The following LDLRAD3 variants were observed in gnomAD, a reference collection of about 807,000 sequenced individuals.
The protein encoded by LDLRAD3 is low-density lipoprotein receptor class A domain-containing protein 3.
A neutral mutation model predicts 29.4 loss-of-function variants in LDLRAD3; 20 were observed. The ratio of observed to expected loss-of-function variants is 0.68; its 90% CI spans 0.48 to 0.99. LDLRAD3 has a LOEUF of 0.99. LDLRAD3 is among the 50% of genes least tolerant of loss of function. The probability of loss-of-function intolerance (pLI) is 0.00; values close to 1 mark genes in which losing one functional copy is unlikely to be tolerated. For synonymous variants in LDLRAD3, 157 were observed against 192.7 expected, an observed-to-expected ratio of 0.81 and a Z score of 1.53; for missense variants, 420 against 454.3, an observed-to-expected ratio of 0.92 and a Z score of 0.69.
intron 1 of LDLRAD3, among the ~76,000 whole-genome samples, chr11:35,956,529 G>T (rs1851202875): frequency 1.3e-5 from 2 of 152,124 alleles, no homozygotes; most frequent in Non-Finnish European, 2.9e-5. Context: ...AGTTTGAGAG[G>T]CATTGATGTG....
intron 5 of LDLRAD3, among the ~76,000 whole-genome samples, chr11:36,228,654 T>C (rs1440458668): frequency 6.6e-6 from 1 of 152,224 alleles, no homozygotes; most frequent in East Asian, 1.9e-4. Flanking sequence ...AAATAAAATG[T>C]CTTTTCTGTT....
intron 2 of LDLRAD3, among the ~76,000 whole-genome samples, chr11:36,049,707 A>G (rs1265937755): frequency 1.3e-5 from 2 of 151,588 alleles, no homozygotes; most frequent in African/African-American, 4.9e-5. Flanking sequence ...GGTAGGTTAC[A>G]TTGCAAGTAT....
intron 4 of LDLRAD3, among the ~76,000 whole-genome samples, chr11:36,112,031 C>G (rs1853613529): frequency 6.6e-6 from 1 of 152,240 alleles, no homozygotes; most frequent in Non-Finnish European, 1.5e-5. Flanking sequence ...ATCAGTAGGT[C>G]AGCTGTTATT....
rs528731129 is a variant in LDLRAD3, at chr11:36,031,699, C to T, written c.47-4404C>T. Among the ~76,000 whole-genome samples, 6 of 152,236 alleles carry T rather than the reference C, an allele frequency of 3.9e-5. No homozygotes were observed. The South Asian group carries it at 1.2e-3, about 32-fold the overall frequency. ...TTAAAGGAAAACAGGACACTACCAGCGTGAAAAACGGGGACCAGCTTTAGA... is the reference window on the plus strand; with the variant it reads ...TTAAAGGAAAACAGGACACTACCAGTGTGAAAAACGGGGACCAGCTTTAGA... On this transcript the variant is annotated intron_variant, in intron 1 of 5. Transcript: ENST00000315571.
intron 1 of LDLRAD3, among the ~76,000 whole-genome samples, chr11:36,008,737 G>C (rs910187365): frequency 2.8e-4 from 43 of 152,134 alleles, no homozygotes; most frequent in African/African-American, 1.0e-3. Context: ...TCTTTGTTTT[G>C]TCTTCTTAAG....
intron 1 of LDLRAD3, among the ~76,000 whole-genome samples, chr11:36,012,444 G>C (rs1230199300): frequency 6.6e-6 from 1 of 151,956 alleles, no homozygotes; most frequent in Non-Finnish European, 1.5e-5. Flanking sequence ...TCACTTAAAG[G>C]AAGCACTTTA....
At chr11:36,204,039 C>T (rs760039741) in intron 4 of LDLRAD3, among the ~76,000 whole-genome samples, 7 of 151,588 alleles carry the variant, frequency 4.6e-5, no homozygotes, top group African/African-American at 1.5e-4. Context: ...CCATCACAGA[C>T]GTACATACCA....
chr11:36,076,435 G>GGA (rs1307459977), intron 2 of LDLRAD3, among the ~76,000 whole-genome samples: 12 of 151,406 alleles, frequency 7.9e-5, no homozygotes, highest in Admixed American at 7.9e-4. Context: ...CGCCCAGGCT[G>GGA]GAGTGCAGTG....
chr11:36,130,322 G>T (rs939144365), intron 4 of LDLRAD3, among the ~76,000 whole-genome samples: 8 of 152,178 alleles, frequency 5.3e-5, no homozygotes, highest in Non-Finnish European at 1.2e-4. Flanking sequence ...AGAGAATGGG[G>T]CTGACGGGAT....
chr11:36,090,845 G>T (rs76084037), intron 3 of LDLRAD3, among the ~76,000 whole-genome samples: 263 of 152,302 alleles, frequency 1.7e-3, no homozygotes, highest in Non-Finnish European at 3.1e-3. Flanking sequence ...AGGGGGAAAG[G>T]CTGCTGAGGC....
chr11:36,006,135 A>G (rs1851882269), intron 1 of LDLRAD3, among the ~76,000 whole-genome samples: 1 of 152,174 alleles, frequency 6.6e-6, no homozygotes, highest in Non-Finnish European at 1.5e-5. Context: ...AGAGACCTCA[A>G]TGGTGGGTAG....
intron 4 of LDLRAD3, among the ~76,000 whole-genome samples, chr11:36,107,344 C>T (rs564744937): frequency 3.2e-4 from 48 of 152,040 alleles, no homozygotes; most frequent in African/African-American, 1.0e-3. Context: ...GAGAGGCGCC[C>T]GCTACTATGT....
At chr11:36,115,014 C>T (rs77513302) in intron 4 of LDLRAD3, among the ~76,000 whole-genome samples, 3,555 of 152,248 alleles carry the variant, frequency 0.023, 135 homozygotes, top group African/African-American at 0.08. Flanking sequence ...ATATAAAAGG[C>T]GACATGGCCT....
chr11:36,067,602 T>C (rs1852816849), intron 2 of LDLRAD3, among the ~76,000 whole-genome samples: 1 of 152,084 alleles, frequency 6.6e-6, no homozygotes, highest in South Asian at 2.1e-4. Flanking sequence ...TTACCATAAA[T>C]CATATGGCCA....
chr11:36,202,206 T>A (rs749895691), intron 4 of LDLRAD3, among the ~76,000 whole-genome samples: 1 of 152,026 alleles, frequency 6.6e-6, no homozygotes, highest in Non-Finnish European at 1.5e-5. Flanking sequence ...CACGCCCAGC[T>A]AATTTTTGTA....
intron 4 of LDLRAD3, among the ~76,000 whole-genome samples, chr11:36,107,926 A>G (rs1287937936): frequency 1.3e-5 from 2 of 152,232 alleles, no homozygotes; most frequent in Non-Finnish European, 2.9e-5. Context: ...AAATCTTAAA[A>G]TGCCATCTAT....
At chr11:35,953,062 C>T (rs1245844262) in intron 1 of LDLRAD3, among the ~76,000 whole-genome samples, 1 of 152,050 alleles carries the variant, frequency 6.6e-6, no homozygotes, top group African/African-American at 2.4e-5. Context: ...CAGAGTGAAC[C>T]CCAGGATTTT....
At chr11:35,993,909 A>G (rs1005636778) in intron 1 of LDLRAD3, among the ~76,000 whole-genome samples, 3 of 152,164 alleles carry the variant, frequency 2.0e-5, no homozygotes, top group African/African-American at 7.2e-5. Context: ...AATTATGTGC[A>G]TAAATATTTG....
chr11:36,075,756 A>G (rs1852988902), intron 2 of LDLRAD3, among the ~76,000 whole-genome samples: 1 of 152,160 alleles, frequency 6.6e-6, no homozygotes, highest in African/African-American at 2.4e-5. Flanking sequence ...TTACTTATTC[A>G]ACAATTTTTG....
Sources: gnomAD v4.1 joint callset for allele counts (sites outside exome capture counted in the v4.1 genomes callset) on GRCh38, gnomAD v4.1.1 for gene constraint, MANE v1.5 for transcripts, NCBI Gene and HGNC (gene_info 2026-07-23, HGNC 2026-07-21) for gene names.